The following FANCC variants were observed in gnomAD, a reference collection of about 807,000 sequenced individuals.
The protein encoded by FANCC is Fanconi anemia group C protein.
A neutral mutation model predicts 71.3 loss-of-function variants in FANCC; 55 were observed. The ratio of observed to expected loss-of-function variants is 0.77; its 90% CI spans 0.62 to 0.97. The LOEUF is 0.97. FANCC is among the 50% of genes least tolerant of loss of function. The probability of loss-of-function intolerance (pLI) is 0.00; values close to 1 mark genes in which losing one functional copy is unlikely to be tolerated. For synonymous variants in FANCC, 275 were observed against 244.9 expected, an observed-to-expected ratio of 1.12 and a Z score of -1.15; for missense variants, 678 against 670.9, an observed-to-expected ratio of 1.01 and a Z score of -0.12.
At chr9:95,144,134 AG>A (rs1022531952) in intron 7 of FANCC, among the ~76,000 whole-genome samples, 1 of 131,286 alleles carries the variant, frequency 7.6e-6, no homozygotes, top group Non-Finnish European at 1.6e-5. Context: ...ACATCTGGGG[AG>A]GGGGGGCTGG....
chr9:95,294,804 C>T, intron 1 of FANCC: 1 of 1,543,046 alleles, frequency 6.5e-7, no homozygotes. Context: ...CAGTCTCCAA[C>T]TTCTAAAACT....
chr9:95,242,150 G>T (rs1429761999), intron 3 of FANCC, among the ~76,000 whole-genome samples: 1 of 152,004 alleles, frequency 6.6e-6, no homozygotes, highest in African/African-American at 2.4e-5. Context: ...ACTTTATCAG[G>T]GGTTATTCTG....
chr9:95,282,328 T>C (rs1168973346), intron 1 of FANCC, among the ~76,000 whole-genome samples: 1 of 152,118 alleles, frequency 6.6e-6, no homozygotes, highest in Non-Finnish European at 1.5e-5. Context: ...TATTAATATA[T>C]GATAATGGGG....
chr9:95,307,166 C>T (rs1273979735), intron 1 of FANCC, among the ~76,000 whole-genome samples: 2 of 152,062 alleles, frequency 1.3e-5, no homozygotes, highest in Admixed American at 6.5e-5. Context: ...ATTACAGGTG[C>T]TCAGCCCTGT....
intron 4 of FANCC, among the ~76,000 whole-genome samples, chr9:95,238,301 T>G (rs1830436281): frequency 2.0e-5 from 3 of 152,222 alleles, no homozygotes; most frequent in African/African-American, 7.2e-5. Flanking sequence ...CAATGGGATA[T>G]TCACCTGCTC....
chr9:95,214,438 T>G (rs1461535597), intron 4 of FANCC, among the ~76,000 whole-genome samples: 1 of 151,906 alleles, frequency 6.6e-6, no homozygotes, highest in East Asian at 1.9e-4. Context: ...TCTCTAAAAA[T>G]AATAATAATA....
rs141042287 is a variant in FANCC at position 95,103,468 on chromosome 9, G to A, written c.1534-1618C>T. On this transcript the variant is annotated intron_variant, in intron 14 of 14. Transcript: ENST00000289081. ...GCTGTGGCCCAGCAGCAGGAGGCAG[G>A]AGAAGGAGAAGTGTGAATCCAGGAC... Among the ~76,000 whole-genome samples the A allele has an allele frequency of 4.9e-4, 75 of 152,332 alleles. 2 individuals carry two copies. The East Asian group carries it at 0.012, about 24-fold the overall frequency.
At position 95,218,057 on chromosome 9, in the gene FANCC, A is replaced by C. The variant is rs75546968; in HGVS notation, c.345+22592T>G. 3.7e-3 allele frequency among the ~76,000 whole-genome samples: 570 copies of C among 152,326 alleles called. 1 individual carries two copies. The highest frequency in any genetic ancestry group is 0.013 in the African/African-American group (556 of 41,576). On this transcript the variant is annotated intron_variant, in intron 4 of 14. Transcript: ENST00000289081. ...GACTCAAGAAGAAACAGAGAACCTG[A>C]ATAGAAACTACCTATTTTAAAAATA...
intron 1 of FANCC, among the ~76,000 whole-genome samples, chr9:95,295,336 G>C (rs924876915): frequency 2.0e-5 from 3 of 151,968 alleles, no homozygotes; most frequent in African/African-American, 7.2e-5. Context: ...AACTCAAACA[G>C]CTCAATACCA....
chr9:95,125,074 G>T lies in FANCC; in HGVS notation c.996+12C>A, dbSNP rs764979509. 1.9e-6 allele frequency: 3 copies of T among 1,606,892 alleles called. No individual in the cohort carries two copies. Among genetic ancestry groups the T allele is most frequent in the Non-Finnish European group, 2.6e-6 (3 of 1,173,452 alleles). ...TCTGGGATGAATGAGTAATATATGTGATATAACAAACCTGCTTGCTTGCTT... is the reference window on the plus strand; with the variant it reads ...TCTGGGATGAATGAGTAATATATGTTATATAACAAACCTGCTTGCTTGCTT... On this transcript the variant is annotated intron_variant, in intron 10 of 14. Transcript: ENST00000289081.
At chr9:95,314,883 G>A (rs796595465) in intron 1 of FANCC, among the ~76,000 whole-genome samples, 2 of 151,926 alleles carry the variant, frequency 1.3e-5, no homozygotes, top group Non-Finnish European at 1.5e-5. Flanking sequence ...CCCCCAAATA[G>A]ATATGCAAAA....
At chr9:95,190,392 C>G (rs1263922351) in intron 4 of FANCC, among the ~76,000 whole-genome samples, 1 of 152,126 alleles carries the variant, frequency 6.6e-6, no homozygotes, top group African/African-American at 2.4e-5. Flanking sequence ...CCTACCTCTC[C>G]CTCCTTCTAA....
chr9:95,216,012 AATT>A (rs1828843065), intron 4 of FANCC, among the ~76,000 whole-genome samples: 1 of 152,244 alleles, frequency 6.6e-6, no homozygotes, highest in Non-Finnish European at 1.5e-5. Flanking sequence ...CCATATCAAT[AATT>A]ATATTACATA....
At chr9:95,203,627 G>A (rs1827938872) in intron 4 of FANCC, among the ~76,000 whole-genome samples, 1 of 152,010 alleles carries the variant, frequency 6.6e-6, no homozygotes, top group Admixed American at 6.5e-5. Context: ...TACTGTACTT[G>A]TAATCAAGCC....
chr9:95,183,312 G>C (rs892164251), intron 4 of FANCC, among the ~76,000 whole-genome samples: 5 of 152,180 alleles, frequency 3.3e-5, no homozygotes, highest in African/African-American at 1.2e-4. Flanking sequence ...CGGTGAGCCT[G>C]CTCTCCTCTG....
intron 13 of FANCC, chr9:95,109,805 C>T (rs1223139106): frequency 6.6e-6 from 1 of 152,232 alleles, no homozygotes; most frequent in African/African-American, 2.4e-5. Context: ...TCAATTCAAT[C>T]ACATACGAAT....
At position 95,292,620 on chromosome 9, in the gene FANCC, C is replaced by T; in HGVS notation, c.-79+24906G>A. The T allele has an allele frequency of 2.1e-6, 3 of 1,433,038 alleles. No homozygotes were observed. The Admixed American group carries it at 5.0e-5, about 24-fold the overall frequency. 88.8% of individuals were successfully genotyped at this position (1,433,038 alleles called of 1,614,324 possible). A position where few individuals can be genotyped will look rare whatever the true frequency, so the allele number is the denominator to read the frequency against. ...CGTGCGCGGCTGCCGCAAGATCCTG[C>T]CCAACAGCCCCGCGCTCAACATGCA... On this transcript the variant is annotated intron_variant, in intron 1 of 14. Coordinates refer to ENST00000289081, the MANE Select transcript of FANCC (RefSeq NM_000136.3).
chr9:95,193,565 C>G (rs957837655), intron 4 of FANCC, among the ~76,000 whole-genome samples: 1 of 152,138 alleles, frequency 6.6e-6, no homozygotes, highest in Non-Finnish European at 1.5e-5. Context: ...CTAAATGGGG[C>G]AGTAGCATGA....
At chr9:95,287,145 A>G (rs1042194364) in intron 1 of FANCC, among the ~76,000 whole-genome samples, 3 of 152,186 alleles carry the variant, frequency 2.0e-5, no homozygotes, top group Non-Finnish European at 4.4e-5. Flanking sequence ...AGAGAAGTAA[A>G]TATCTTGCCC....
Sources: allele counts gnomAD v4.1 joint callset (sites outside exome capture counted in the v4.1 genomes callset), GRCh38; gene constraint gnomAD v4.1.1; transcripts MANE v1.5; gene names NCBI Gene and HGNC (gene_info 2026-07-23, HGNC 2026-07-21).